ZC3H12B: variants seen among roughly 807,000 people sequenced by gnomAD.
The protein encoded by ZC3H12B is probable ribonuclease ZC3H12B.
ZC3H12B carries 7 observed loss-of-function variants against 43.9 expected under a neutral mutation model. That is an observed-to-expected ratio of 0.16 (90% CI 0.09 to 0.30). The LOEUF (loss-of-function observed/expected upper bound fraction) is 0.30, where lower values mean the gene tolerates loss of function less well. ZC3H12B is among the 10% of genes least tolerant of loss of function. ZC3H12B has a pLI of 1.00. For synonymous variants in ZC3H12B, 222 were observed against 241.7 expected, an observed-to-expected ratio of 0.92 and a Z score of 0.76; for missense variants, 475 against 670.2, an observed-to-expected ratio of 0.71 and a Z score of 3.22.
chrX:65,487,568 A>C (rs1253074384), upstream of ZC3H12B, among the ~76,000 whole-genome samples: 2 of 111,617 alleles, frequency 1.8e-5, no homozygotes, highest in Non-Finnish European at 3.8e-5. Flanking sequence ...AAAACAAAAA[A>C]AATTGTCCCT....
chrX:65,285,719 A>G, the ZC3H12B span, among the ~76,000 whole-genome samples: 15 of 111,966 alleles, frequency 1.3e-4, no homozygotes, highest in Admixed American at 8.5e-4. Flanking sequence ...TCTTAAACCT[A>G]GAAGTGATAG....
the ZC3H12B span, among the ~76,000 whole-genome samples, chrX:65,165,072 C>G: frequency 2.7e-5 from 3 of 111,488 alleles, no homozygotes; most frequent in Non-Finnish European, 5.7e-5. Context: ...GATGTTACAA[C>G]AGTAGATATT....
At chrX:65,077,061 C>T in the ZC3H12B span, among the ~76,000 whole-genome samples, 1 of 111,362 alleles carries the variant, frequency 9.0e-6, no homozygotes, top group East Asian at 2.8e-4. Flanking sequence ...AGTAATGATC[C>T]TGTTTAGGTT....
At chrX:65,159,417 A>T in the ZC3H12B span, among the ~76,000 whole-genome samples, 2 of 111,361 alleles carry the variant, frequency 1.8e-5, no homozygotes, top group Non-Finnish European at 3.8e-5. Flanking sequence ...ATGTTCTTCC[A>T]TTTGTTTGTA....
the ZC3H12B span, among the ~76,000 whole-genome samples, chrX:65,259,024 A>G: frequency 1.8e-5 from 2 of 112,113 alleles, no homozygotes; most frequent in Non-Finnish European, 3.8e-5. Context: ...TGTTATTCCT[A>G]TCAAACTACT....
the ZC3H12B span, among the ~76,000 whole-genome samples, chrX:65,055,843 C>A: frequency 8.9e-6 from 1 of 111,787 alleles, no homozygotes; most frequent in Admixed American, 9.5e-5. Context: ...GGAATTCATT[C>A]ATTTCTTCTA....
chrX:65,441,717 G>T (rs760575219), intron 3 of ZC3H12B, among the ~76,000 whole-genome samples: 1 of 111,692 alleles, frequency 9.0e-6, no homozygotes, highest in South Asian at 3.8e-4. Context: ...CTGCTGGTAA[G>T]GGTCCACAGA....
chrX:65,093,794 C>T, the ZC3H12B span, among the ~76,000 whole-genome samples: 1 of 111,745 alleles, frequency 8.9e-6, no homozygotes, highest in African/African-American at 3.3e-5. Flanking sequence ...TCAGATGAGA[C>T]TTTGGATTTT....
chrX:65,223,923 C>T, the ZC3H12B span, among the ~76,000 whole-genome samples: 1 of 112,079 alleles, frequency 8.9e-6, no homozygotes, highest in Non-Finnish European at 1.9e-5. Flanking sequence ...AGTAGATCTA[C>T]CATTTGATCC....
At chrX:65,260,060 G>A in the ZC3H12B span, among the ~76,000 whole-genome samples, 1 of 110,989 alleles carries the variant, frequency 9.0e-6, no homozygotes, top group African/African-American at 3.3e-5. Flanking sequence ...CTGGACTTTG[G>A]GAACTCGTGG....
At chrX:65,079,221 G>A in the ZC3H12B span, among the ~76,000 whole-genome samples, 1 of 112,944 alleles carries the variant, frequency 8.9e-6, no homozygotes, top group Admixed American at 9.3e-5. Flanking sequence ...ACACTAGACA[G>A]ACGTCTAAGG....
the ZC3H12B span, among the ~76,000 whole-genome samples, chrX:65,328,994 T>A: frequency 1.8e-5 from 2 of 110,622 alleles, no homozygotes; most frequent in African/African-American, 3.3e-5. Flanking sequence ...TTGTGAATAG[T>A]GCTGCAATAA....
chrX:65,246,472 A>T, the ZC3H12B span, among the ~76,000 whole-genome samples: 5 of 111,970 alleles, frequency 4.5e-5, no homozygotes, highest in Non-Finnish European at 9.4e-5. Context: ...AAGCAAAAAG[A>T]ATAAAGCTGG....
At chrX:65,502,270 T>C (rs751738218) in exon 5 of ZC3H12B, 3 of 1,211,571 alleles carry the variant, frequency 2.5e-6, no homozygotes, top group South Asian at 1.8e-5. Context: ...CCAACAGCCA[T>C]GGGACCCCTA....
chrX:65,156,663 G>C, the ZC3H12B span, among the ~76,000 whole-genome samples: 2 of 111,162 alleles, frequency 1.8e-5, no homozygotes, highest in East Asian at 5.7e-4. Flanking sequence ...TTACAGGCAT[G>C]AGCCACCGCA....
chrX:65,427,365 C>T (rs947928489), intron 3 of ZC3H12B, among the ~76,000 whole-genome samples: 3 of 110,576 alleles, frequency 2.7e-5, no homozygotes, highest in African/African-American at 9.9e-5. Flanking sequence ...GTCTTGCTCT[C>T]TCACCCAGGC....
At chrX:65,320,637 T>C in the ZC3H12B span, among the ~76,000 whole-genome samples, 1 of 112,189 alleles carries the variant, frequency 8.9e-6, no homozygotes, top group Non-Finnish European at 1.9e-5. Context: ...ATGCTACCTG[T>C]CTTCAAGCTA....
At chrX:65,447,813 C>G (rs1400300659) in intron 3 of ZC3H12B, among the ~76,000 whole-genome samples, 1 of 111,477 alleles carries the variant, frequency 9.0e-6, no homozygotes, top group Non-Finnish European at 1.9e-5. Flanking sequence ...AGAAAATGTA[C>G]AAATGGCCAA....
chrX:65,077,759 G>C, the ZC3H12B span, among the ~76,000 whole-genome samples: 1 of 111,962 alleles, frequency 8.9e-6, no homozygotes. Context: ...ATGCCTGTTG[G>C]CAGTTCTGGA....
Sources: allele counts gnomAD v4.1 joint callset (sites outside exome capture counted in the v4.1 genomes callset), GRCh38; gene constraint gnomAD v4.1.1; transcripts MANE v1.5; gene names NCBI Gene and HGNC (gene_info 2026-07-23, HGNC 2026-07-21).